The following PGR variants were observed in gnomAD, a reference collection of about 807,000 sequenced individuals.
PGR encodes nuclear receptor subfamily 3 group C member 3.
A neutral mutation model predicts 76.1 loss-of-function variants in PGR; 25 were observed. The observed-to-expected ratio is 0.33, with a 90% CI of 0.24 to 0.46. The LOEUF is 0.46. Among genes scored for constraint, PGR ranks in the 20% least tolerant of loss-of-function variants. The pLI, the probability that PGR is intolerant of heterozygous loss-of-function variation, is 1.00. For synonymous variants in PGR, 579 were observed against 535.0 expected, an observed-to-expected ratio of 1.08 and a Z score of -1.14; for missense variants, 1,172 against 1,225.3, an observed-to-expected ratio of 0.96 and a Z score of 0.65.
intron 2 of PGR, among the ~76,000 whole-genome samples, chr11:101,118,253 T>C (rs1256429074): frequency 1.3e-5 from 2 of 152,220 alleles, no homozygotes; most frequent in Non-Finnish European, 2.9e-5. Flanking sequence ...ATAGGTTTGT[T>C]GCAAGAGTTA....
intron 2 of PGR, among the ~76,000 whole-genome samples, 185 bp downstream of exon 2, chr11:101,125,822 A>C (rs1340978917): frequency 1.3e-5 from 2 of 152,208 alleles, no homozygotes; most frequent in Non-Finnish European, 2.9e-5. Flanking sequence ...TATAGTACCC[A>C]ACCACATTCC....
intron 3 of PGR, among the ~76,000 whole-genome samples, chr11:101,078,541 A>G (rs1861200146): frequency 6.6e-6 from 1 of 152,206 alleles, no homozygotes; most frequent in African/African-American, 2.4e-5. Flanking sequence ...TAGAAGATAT[A>G]TTATCATCCT....
intron 3 of PGR, 102 bp downstream of exon 3, chr11:101,091,658 A>G: frequency 2.6e-6 from 2 of 756,900 alleles, no homozygotes; most frequent in Non-Finnish European, 4.8e-6. Flanking sequence ...TCAAGACAGA[A>G]AAAACAAAAA....
rs573925425 is a variant in PGR at position 101,094,264 on chromosome 11, G to T, written c.1790-2388C>A. ...ACCTAACTTCCTTTATTCCTATGTGGTAATTTGACTTGTATATTCACTATT... is the reference window on the plus strand; with the variant it reads ...ACCTAACTTCCTTTATTCCTATGTGTTAATTTGACTTGTATATTCACTATT... On this transcript the variant is annotated intron_variant, in intron 2 of 7. Coordinates refer to ENST00000325455, the MANE Select transcript of PGR (RefSeq NM_000926.4). Among the ~76,000 whole-genome samples, 3 of 152,126 alleles carry T rather than the reference G, an allele frequency of 2.0e-5. No homozygotes were observed. In the East Asian group the frequency reaches 5.8e-4, roughly 29 times the overall value.
intron 3 of PGR, among the ~76,000 whole-genome samples, chr11:101,072,994 T>C (rs144948907): frequency 0.011 from 1,726 of 152,208 alleles, 14 homozygotes; most frequent in Non-Finnish European, 0.016. Flanking sequence ...TCTACAGAAC[T>C]CTCTACCCCA....
At chr11:101,096,152 T>C (rs887643783) in intron 2 of PGR, among the ~76,000 whole-genome samples, 11 of 152,132 alleles carry the variant, frequency 7.2e-5, no homozygotes, top group Admixed American at 2.0e-4. Flanking sequence ...AGATGTCCAA[T>C]ATTTAAAGTT....
rs186201243 is a variant in PGR, at chr11:101,034,782, A to T, written c.*4334T>A. 558 of 176,766 alleles carry T rather than the reference A, an allele frequency of 3.2e-3. 4 individuals are homozygous for T. Among genetic ancestry groups the T allele is most frequent in the African/African-American group, 0.012 (523 of 42,314 alleles). The allele number at this position is 176,766 out of a possible 1,614,324, so 10.9% of individuals were successfully genotyped here. ...GATGTTGACTAATCTGGCTTGGATT[A>T]TATTTTATAATATGGGTGAAGAGTC... On this transcript the variant is annotated 3_prime_UTR_variant, in exon 8 of 8. Transcript: ENST00000325455.
At chr11:101,068,665 C>G (rs193280099) in intron 3 of PGR, among the ~76,000 whole-genome samples, 1 of 151,998 alleles carries the variant, frequency 6.6e-6, no homozygotes, top group Admixed American at 6.6e-5. Flanking sequence ...GGTACCCAAA[C>G]AGATATATAG....
intron 1 of PGR, chr11:101,126,855 G>C (rs1246974088): frequency 6.6e-6 from 1 of 152,536 alleles, no homozygotes; most frequent in African/African-American, 2.4e-5. Context: ...CATTTCCCAC[G>C]TGAACTTAAT....
intron 6 of PGR, among the ~76,000 whole-genome samples, chr11:101,046,628 G>C (rs987102321): frequency 6.6e-6 from 1 of 151,826 alleles, no homozygotes. Flanking sequence ...AGGTATTTGA[G>C]ATTGAAGATT....
In PGR at chr11:101,127,439, G is replaced by A. The variant is rs751965015; in HGVS notation, c.1632C>T (p.Tyr544=). 3.2e-6 allele frequency: 5 copies of A among 1,551,584 alleles called. No individual in the cohort carries two copies. The highest frequency in any genetic ancestry group is 2.5e-5 in the East Asian group (1 of 39,480). The change falls in exon 1 of 8, where the codon TAC becomes TAT. Residue 544 remains tyrosine, a synonymous_variant. Coordinates refer to ENST00000325455, the MANE Select transcript of PGR (RefSeq NM_000926.4). The part of the protein sequence containing the change: ...LPQVYPPYLN[Y]LRPDSEASQS... ...GCCCCGTCCCGGGCCCTCACCTCAG[G>A]TAGTTGAGATAGGGCGGGTAGACCT...
At chr11:101,121,765 G>A (rs953225416) in intron 2 of PGR, among the ~76,000 whole-genome samples, 2 of 152,178 alleles carry the variant, frequency 1.3e-5, no homozygotes, top group African/African-American at 4.8e-5. Context: ...TTTTACTGTG[G>A]TTTCACCAGT....
chr11:101,101,929 T>TA (rs1862009000), intron 2 of PGR, among the ~76,000 whole-genome samples: 3 of 152,288 alleles, frequency 2.0e-5, no homozygotes, highest in Non-Finnish European at 2.9e-5. Flanking sequence ...TTTAAGCACA[T>TA]AAGGGGGTCA....
chr11:101,127,679 T>C lies in PGR; in HGVS notation c.1392A>G (p.Lys464=). The change falls in exon 1 of 8, where the codon AAA becomes AAG. Residue 464 remains lysine, a synonymous_variant. Coordinates refer to ENST00000325455, the MANE Select transcript of PGR (RefSeq NM_000926.4). ...SGSTLECILY[K]AEGAPPQQGP... is the part of the protein sequence containing the mutation. ...CCTGCTGGGGCGGCGCGCCCTCCGC[T>C]TTGTACAGGATGCACTCCAGGGTCG... is the stretch of plus-strand genomic sequence containing the variant. The C allele has an allele frequency of 6.4e-7, 1 of 1,573,028 alleles. No homozygotes were observed. The highest frequency in any genetic ancestry group is 1.1e-5 in the South Asian group (1 of 87,338).
At chr11:101,068,535 A>C (rs561428219) in intron 3 of PGR, among the ~76,000 whole-genome samples, 110 of 152,300 alleles carry the variant, frequency 7.2e-4, no homozygotes, top group Middle Eastern at 3.4e-3. Context: ...TTTCATATGG[A>C]ACCAAAAAAG....
chr11:101,031,704 T>C lies in PGR; in HGVS notation c.*7412A>G, dbSNP rs1477207589. 8.9e-6 allele frequency: 2 copies of C among 225,288 alleles called. No homozygotes were observed. The highest frequency in any genetic ancestry group is 4.5e-5 in the African/African-American group (2 of 44,880). 14.0% of individuals were successfully genotyped at this position (225,288 alleles called of 1,614,324 possible). ...ATACAATGCAGCAAGAATTTTGTTT[T>C]TAATGTAGGCTTTTAAATGGGCTTT... On this transcript the variant is annotated 3_prime_UTR_variant, in exon 8 of 8. Transcript: ENST00000325455.
At chr11:101,115,514 G>A (rs1041585297) in intron 2 of PGR, among the ~76,000 whole-genome samples, 1 of 152,180 alleles carries the variant, frequency 6.6e-6, no homozygotes, top group Non-Finnish European at 1.5e-5. Context: ...GCTCACGCCT[G>A]TAATCCCAGC....
At chr11:101,086,831 A>G (rs1861516205) in intron 3 of PGR, among the ~76,000 whole-genome samples, 1 of 152,154 alleles carries the variant, frequency 6.6e-6, no homozygotes, top group Non-Finnish European at 1.5e-5. Context: ...AATCCCATTT[A>G]AAATAGCCAC....
At chr11:101,100,136 C>A (rs1328708872) in intron 2 of PGR, among the ~76,000 whole-genome samples, 1 of 152,290 alleles carries the variant, frequency 6.6e-6, no homozygotes, top group East Asian at 1.9e-4. Context: ...ATAATCCCCC[C>A]ATGTTGTGGG....
Sources: allele counts gnomAD v4.1 joint callset (sites outside exome capture counted in the v4.1 genomes callset), GRCh38; gene constraint gnomAD v4.1.1; transcripts MANE v1.5; gene names NCBI Gene and HGNC (gene_info 2026-07-23, HGNC 2026-07-21).